The following PRR16 variants were observed in gnomAD, a reference collection of about 807,000 sequenced individuals.
PRR16 encodes protein Largen.
Under a neutral mutation model 18.2 loss-of-function variants are expected in PRR16, and 6 were observed. The ratio of observed to expected loss-of-function variants is 0.33; its 90% CI spans 0.18 to 0.65. The LOEUF (loss-of-function observed/expected upper bound fraction) is 0.65. Among genes scored for constraint, PRR16 ranks in the 30% least tolerant of loss-of-function variants. The pLI is 0.74. For missense variants in PRR16, 412 were observed against 376.6 expected (o/e 1.09, Z -0.78); for synonymous variants, 151 against 147.8 (o/e 1.02, Z -0.16).
At chr5:120,489,112 A>C (rs1242117786) in intron 1 of PRR16, among the ~76,000 whole-genome samples, 1 of 152,172 alleles carries the variant, frequency 6.6e-6, no homozygotes, top group Non-Finnish European at 1.5e-5. Flanking sequence ...GTGGTGCTGA[A>C]AAGAATGTAT....
chr5:120,687,014 C>G lies in PRR16; in HGVS notation c.*305C>G, dbSNP rs938029348. 9.7e-6 allele frequency: 2 copies of G among 207,050 alleles called. No individual in the cohort carries two copies. The highest frequency in any genetic ancestry group is 4.6e-5 in the African/African-American group (2 of 43,646). The allele number at this position is 207,050 out of a possible 1,614,324, so 12.8% of individuals were successfully genotyped here. A position where few individuals can be genotyped will look rare whatever the true frequency, so the allele number is the denominator to read the frequency against. On this transcript the variant is annotated 3_prime_UTR_variant, in exon 2 of 2. Coordinates refer to ENST00000407149, the MANE Select transcript of PRR16 (RefSeq NM_001300783.2). ...CACCTATTTTGATTTACTATAAGAG[C>G]TGGGATTTGATTCATTTTATTTATG...
chr5:120,660,597 A>G (rs549896098), intron 1 of PRR16, among the ~76,000 whole-genome samples: 80 of 152,200 alleles, frequency 5.3e-4, no homozygotes, highest in African/African-American at 1.8e-3. Flanking sequence ...ATATTTGCCT[A>G]GGGCTTTTCT....
At chr5:120,598,052 T>C (rs1246042274) in intron 1 of PRR16, among the ~76,000 whole-genome samples, 2 of 151,840 alleles carry the variant, frequency 1.3e-5, no homozygotes, top group African/African-American at 4.8e-5. Flanking sequence ...CTGAAGAAGT[T>C]TCATAATATT....
chr5:120,770,162 A>T, the PRR16 span, among the ~76,000 whole-genome samples: 1 of 151,954 alleles, frequency 6.6e-6, no homozygotes, highest in Admixed American at 6.6e-5. Context: ...AGAAGAACAA[A>T]GTTGGAGTCA....
intron 1 of PRR16, among the ~76,000 whole-genome samples, chr5:120,671,644 A>G (rs1342784958): frequency 2.6e-5 from 4 of 152,204 alleles, no homozygotes; most frequent in Admixed American, 2.0e-4. Context: ...TTTGCTCAGT[A>G]TCTGAGATGT....
chr5:120,587,626 C>T (rs757162785), intron 1 of PRR16, among the ~76,000 whole-genome samples: 2 of 152,170 alleles, frequency 1.3e-5, no homozygotes, highest in Admixed American at 6.6e-5. Flanking sequence ...TAAATTAAGA[C>T]TACTGTTGAG....
chr5:120,744,320 A>C, the PRR16 span, among the ~76,000 whole-genome samples: 1 of 152,198 alleles, frequency 6.6e-6, no homozygotes, highest in Non-Finnish European at 1.5e-5. Flanking sequence ...TTCCTAGAAA[A>C]GGGACCCTTT....
chr5:120,545,438 G>A (rs958414287), intron 1 of PRR16, among the ~76,000 whole-genome samples: 2 of 152,116 alleles, frequency 1.3e-5, no homozygotes, highest in Admixed American at 6.6e-5. Context: ...GAAAACTCAT[G>A]TATGGTGGTG....
chr5:120,691,068 T>C (rs541565478), downstream of PRR16, among the ~76,000 whole-genome samples: 15 of 152,290 alleles, frequency 9.8e-5, no homozygotes, highest in Admixed American at 3.9e-4. Context: ...TCTCTAATAC[T>C]AATATATAAC....
chr5:120,688,862 G>C (rs529992877), downstream of PRR16, among the ~76,000 whole-genome samples: 2 of 152,280 alleles, frequency 1.3e-5, no homozygotes, highest in East Asian at 3.9e-4. Context: ...AGCTGGTTGA[G>C]TAAGGATATT....
At chr5:120,712,411 T>A in the PRR16 span, among the ~76,000 whole-genome samples, 1 of 152,172 alleles carries the variant, frequency 6.6e-6, no homozygotes. Context: ...TTGTACTGTT[T>A]CTATGTATTT....
chr5:120,479,248 G>A (rs1749535609), intron 1 of PRR16, among the ~76,000 whole-genome samples: 1 of 152,052 alleles, frequency 6.6e-6, no homozygotes, highest in Non-Finnish European at 1.5e-5. Context: ...CATTGCTTGT[G>A]GGGATTGAGT....
chr5:120,533,871 G>A (rs1430845643), intron 1 of PRR16, among the ~76,000 whole-genome samples: 1 of 152,212 alleles, frequency 6.6e-6, no homozygotes, highest in Non-Finnish European at 1.5e-5. Flanking sequence ...TAATATTTGT[G>A]TTGAAAATAG....
At chr5:120,738,361 G>T in the PRR16 span, among the ~76,000 whole-genome samples, 1 of 151,652 alleles carries the variant, frequency 6.6e-6, no homozygotes, top group African/African-American at 2.4e-5. Flanking sequence ...CTAGTATCTG[G>T]GGTTTCCAAC....
the PRR16 span, among the ~76,000 whole-genome samples, chr5:120,774,077 C>T: frequency 7.2e-6 from 1 of 138,590 alleles, no homozygotes; most frequent in East Asian, 2.0e-4. Flanking sequence ...GAGTTGATTT[C>T]CTGTTGCTAT....
At chr5:120,486,830 G>T (rs1749818970) in intron 1 of PRR16, among the ~76,000 whole-genome samples, 1 of 152,146 alleles carries the variant, frequency 6.6e-6, no homozygotes, top group South Asian at 2.1e-4. Context: ...TGTGTAAGGT[G>T]TAAGGAAGGG....
Position 120,513,391 on chromosome 5 carries a change from T to C in PRR16, c.159+48746T>C, listed in dbSNP as rs528774075. ...CCTGATGAAGACGGACTTCTCCTGA[T>C]GGTAATGTCTTATTGTCTATTTTTC... On this transcript the variant is annotated intron_variant, in intron 1 of 1. Coordinates refer to ENST00000407149, the MANE Select transcript of PRR16 (RefSeq NM_001300783.2). Among the ~76,000 whole-genome samples the C allele has an allele frequency of 2.0e-5, 3 of 152,330 alleles. No homozygotes were observed. The Middle Eastern group carries it at 0.01, about 518-fold the overall frequency.
intron 1 of PRR16, among the ~76,000 whole-genome samples, chr5:120,565,072 A>G (rs1580730359): frequency 6.6e-6 from 1 of 151,196 alleles, no homozygotes; most frequent in Non-Finnish European, 1.5e-5. Context: ...CTGTGTACAT[A>G]TAGTTGCTAA....
chr5:120,647,258 A>G (rs1194341040), intron 1 of PRR16, among the ~76,000 whole-genome samples: 1 of 151,962 alleles, frequency 6.6e-6, no homozygotes, highest in Non-Finnish European at 1.5e-5. Context: ...GTTGCCTAAT[A>G]TGTCTTGGCT....
Sources: gnomAD v4.1 joint callset for allele counts (sites outside exome capture counted in the v4.1 genomes callset) on GRCh38, gnomAD v4.1.1 for gene constraint, MANE v1.5 for transcripts, NCBI Gene and HGNC (gene_info 2026-07-23, HGNC 2026-07-21) for gene names.